SLC26A7: variants seen among roughly 807,000 people sequenced by gnomAD.
The protein encoded by SLC26A7 is solute carrier family 26 member 7.
Under a neutral mutation model 82.5 loss-of-function variants are expected in SLC26A7, and 59 were observed. The observed-to-expected ratio is 0.72, with a 90% confidence interval of 0.58 to 0.89. The LOEUF is 0.89. Ranked by LOEUF, SLC26A7 falls within the 40% of genes least tolerant of loss-of-function variation. The pLI, the probability that SLC26A7 is intolerant of heterozygous loss-of-function variation, is 0.00. For missense variants in SLC26A7, 820 were observed against 793.0 expected (o/e 1.03, Z -0.41); for synonymous variants, 271 against 274.3 (o/e 0.99, Z 0.12).
intron 2 of SLC26A7, among the ~76,000 whole-genome samples, chr8:91,224,093 G>T (rs1810200806): frequency 6.6e-6 from 1 of 151,854 alleles, no homozygotes; most frequent in Non-Finnish European, 1.5e-5. Flanking sequence ...TTTTATCAAG[G>T]TTCTTAGCTT....
At chr8:91,371,734 G>A (rs1465336620) in intron 15 of SLC26A7, among the ~76,000 whole-genome samples, 2 of 151,940 alleles carry the variant, frequency 1.3e-5, no homozygotes, top group Admixed American at 6.6e-5. Flanking sequence ...TTTTCCTTTG[G>A]GTAGATACCC....
intron 2 of SLC26A7, among the ~76,000 whole-genome samples, chr8:91,225,031 G>A (rs1810214394): frequency 6.6e-6 from 1 of 152,188 alleles, no homozygotes; most frequent in African/African-American, 2.4e-5. Flanking sequence ...AGCCTCCCTG[G>A]CCCCAGCAGG....
At position 91,326,452 on chromosome 8, in the gene SLC26A7, T is replaced by C. The variant is rs1028027417; in HGVS notation, c.643-7843T>C. 1.7e-4 allele frequency among the ~76,000 whole-genome samples: 26 copies of C among 152,264 alleles called. No individual in the cohort carries two copies. The East Asian group carries it at 2.3e-3, about 14-fold the overall frequency. On this transcript the variant is annotated intron_variant, in intron 5 of 18. Coordinates refer to ENST00000276609, the MANE Select transcript of SLC26A7 (RefSeq NM_052832.4). ...CCTCACATGGTGGAACCCCTGTGCA[T>C]GCACAGCCCCTGTGTCTCTGTGTCC...
intron 15 of SLC26A7, among the ~76,000 whole-genome samples, chr8:91,385,565 C>T (rs1210885078): frequency 6.6e-6 from 1 of 152,164 alleles, no homozygotes; most frequent in African/African-American, 2.4e-5. Context: ...AGGCATAAGC[C>T]TGTTGTTTTG....
chr8:91,253,769 A>G lies in SLC26A7; in HGVS notation c.193+3925A>G, dbSNP rs569937492. 2.6e-5 allele frequency among the ~76,000 whole-genome samples: 4 copies of G among 152,140 alleles called. No individual in the cohort carries two copies. In the East Asian group the frequency reaches 7.7e-4, roughly 29 times the overall value. On this transcript the variant is annotated intron_variant, in intron 2 of 18. Transcript: ENST00000276609. ...ATAGGCCTTAACATATTGTATTATA[A>G]TATCTTGCTACAACTCTTTCCACAC...
chr8:91,268,918 T>C (rs1811189031), intron 2 of SLC26A7, among the ~76,000 whole-genome samples: 2 of 143,454 alleles, frequency 1.4e-5, no homozygotes, highest in South Asian at 4.6e-4. Flanking sequence ...TTTAAACTGA[T>C]ACCAACTTAA....
intron 18 of SLC26A7, 72 bp from the exon 19 acceptor site, chr8:91,394,990 G>A (rs1028991380): frequency 2.0e-6 from 3 of 1,536,276 alleles, no homozygotes; most frequent in Non-Finnish European, 2.7e-6. Context: ...AGTTACTACT[G>A]TTCTTTTACT....
chr8:91,374,777 T>C (rs1193374397), intron 15 of SLC26A7, among the ~76,000 whole-genome samples: 1 of 152,002 alleles, frequency 6.6e-6, no homozygotes, highest in Non-Finnish European at 1.5e-5. Flanking sequence ...AAATCCAGAG[T>C]TCCTTTGTTA....
chr8:91,212,812 A>G (rs1376130156), intron 1 of SLC26A7, among the ~76,000 whole-genome samples: 5 of 152,206 alleles, frequency 3.3e-5, no homozygotes, highest in African/African-American at 4.8e-5. Context: ...CATGAAAGTC[A>G]TAAGTATTTA....
chr8:91,266,161 A>G (rs113772893), intron 2 of SLC26A7, among the ~76,000 whole-genome samples: 1 of 151,952 alleles, frequency 6.6e-6, no homozygotes, highest in East Asian at 1.9e-4. Context: ...TTTTGAAGTT[A>G]GGTAGTGTAA....
At chr8:91,344,288 T>C (rs1450451220) in intron 9 of SLC26A7, 1 of 806,730 alleles carries the variant, frequency 1.2e-6, no homozygotes, top group Non-Finnish European at 1.5e-6. Context: ...ATAGAGGTAG[T>C]AAATGGCAGA....
At chr8:91,293,798 T>C (rs145903723) in intron 3 of SLC26A7, among the ~76,000 whole-genome samples, 401 of 152,332 alleles carry the variant, frequency 2.6e-3, no homozygotes, top group African/African-American at 9.3e-3. Context: ...CTCTGTGCTC[T>C]AGGAGATTTA....
At chr8:91,289,712 G>T (rs1811812946) in intron 3 of SLC26A7, among the ~76,000 whole-genome samples, 1 of 152,092 alleles carries the variant, frequency 6.6e-6, no homozygotes, top group African/African-American at 2.4e-5. Context: ...AAGTACTTGG[G>T]AGGTAAGACT....
chr8:91,211,617 T>TA (rs1491299767), intron 1 of SLC26A7, among the ~76,000 whole-genome samples: 19,277 of 119,044 alleles, frequency 0.16, 1,519 homozygotes, highest in Non-Finnish European at 0.22. Context: ...TATATATATA[T>TA]TTTTTTTTTA....
At chr8:91,225,652 T>G (rs1246610143) in intron 2 of SLC26A7, among the ~76,000 whole-genome samples, 27 of 129,084 alleles carry the variant, frequency 2.1e-4, no homozygotes, top group African/African-American at 7.1e-4. Flanking sequence ...TGTTTTTTTT[T>G]TTTTTTTTTT....
At chr8:91,308,786 T>G (rs1812396468) in intron 4 of SLC26A7, among the ~76,000 whole-genome samples, 1 of 152,200 alleles carries the variant, frequency 6.6e-6, no homozygotes. Context: ...ACTACTTTAT[T>G]TATTTTGCTC....
chr8:91,279,145 A>G (rs1471865109), intron 2 of SLC26A7, among the ~76,000 whole-genome samples: 11 of 110,078 alleles, frequency 1.0e-4, no homozygotes, highest in South Asian at 5.3e-4. Context: ...ATATATATAT[A>G]TATATATATA....
chr8:91,354,733 GA>G (rs1813813957), intron 11 of SLC26A7, among the ~76,000 whole-genome samples: 1 of 151,976 alleles, frequency 6.6e-6, no homozygotes, highest in Admixed American at 6.6e-5. Flanking sequence ...AAATATTAAA[GA>G]TATTGTATTT....
intron 1 of SLC26A7, among the ~76,000 whole-genome samples, chr8:91,210,556 C>A (rs1213218261): frequency 1.0e-5 from 1 of 99,986 alleles, no homozygotes. Context: ...GACACACACA[C>A]ACACAGACAC....
Sources: allele counts gnomAD v4.1 joint callset (sites outside exome capture counted in the v4.1 genomes callset), GRCh38; gene constraint gnomAD v4.1.1; transcripts MANE v1.5; gene names NCBI Gene and HGNC (gene_info 2026-07-23, HGNC 2026-07-21).